Variants in CCDC171 observed in about 807,000 individuals in gnomAD.
CCDC171 encodes the protein coiled-coil domain containing 171.
Under a neutral mutation model 168.2 loss-of-function variants are expected in CCDC171, and 177 were observed. The ratio of observed to expected loss-of-function variants is 1.05; its 90% CI spans 0.93 to 1.19. The LOEUF (loss-of-function observed/expected upper bound fraction) is 1.19, where lower values mean the gene tolerates loss of function less well. Ranked by LOEUF, CCDC171 falls within the 50% of genes most tolerant of loss-of-function variation. The pLI, the probability that CCDC171 is intolerant of heterozygous loss-of-function variation, is 0.00. For synonymous variants in CCDC171, 687 were observed against 540.8 expected (o/e 1.27, Z -3.75); for missense variants, 1,991 against 1,539.0 (o/e 1.29, Z -4.91).
chr9:15,615,518 C>T (rs1393525187), intron 6 of CCDC171, among the ~76,000 whole-genome samples: 1 of 152,152 alleles, frequency 6.6e-6, no homozygotes, highest in African/African-American at 2.4e-5. Flanking sequence ...TCTTGAAATA[C>T]TCTTAAATAA....
intron 7 of CCDC171, among the ~76,000 whole-genome samples, chr9:15,655,574 G>T (rs2132907598): frequency 1.3e-5 from 2 of 152,288 alleles, no homozygotes; most frequent in South Asian, 4.1e-4. Flanking sequence ...TCATCATAAT[G>T]AAAAGTTTTG....
intron 21 of CCDC171, among the ~76,000 whole-genome samples, chr9:15,841,536 G>A (rs540818013): frequency 7.2e-5 from 11 of 151,990 alleles, no homozygotes; most frequent in Middle Eastern, 3.4e-3. Context: ...TTATAAATAT[G>A]TCACCTACTT....
intron 6 of CCDC171, among the ~76,000 whole-genome samples, chr9:15,610,319 G>T (rs1438084641): frequency 1.3e-5 from 2 of 150,518 alleles, no homozygotes; most frequent in African/African-American, 4.9e-5. Flanking sequence ...TAAACCTCCT[G>T]GGCTCGGCTG....
At chr9:16,067,484 A>G in the CCDC171 span, among the ~76,000 whole-genome samples, 4 of 151,936 alleles carry the variant, frequency 2.6e-5, no homozygotes, top group African/African-American at 9.7e-5. Context: ...CCATTTGTCA[A>G]TTTTGGCTTT....
At chr9:15,919,815 A>G (rs1220670142) in intron 24 of CCDC171, among the ~76,000 whole-genome samples, 4 of 151,642 alleles carry the variant, frequency 2.6e-5, no homozygotes, top group Non-Finnish European at 4.4e-5. Flanking sequence ...TCACAAGATT[A>G]TTTTAGCTCC....
chr9:15,746,779 G>A (rs1378790228), intron 18 of CCDC171, among the ~76,000 whole-genome samples: 1 of 152,182 alleles, frequency 6.6e-6, no homozygotes, highest in Non-Finnish European at 1.5e-5. Context: ...CGGAGGGTGA[G>A]CTGAAGCAGG....
At chr9:15,672,475 A>G (rs2049191803) in intron 9 of CCDC171, among the ~76,000 whole-genome samples, 1 of 152,068 alleles carries the variant, frequency 6.6e-6, no homozygotes, top group Non-Finnish European at 1.5e-5. Flanking sequence ...TAGGGTTTTT[A>G]TGGTTTTAGG....
chr9:15,999,814 A>G (rs548791786), intron 3 of CCDC171, among the ~76,000 whole-genome samples: 1 of 152,216 alleles, frequency 6.6e-6, no homozygotes, highest in African/African-American at 2.4e-5. Context: ...AGATTCCACA[A>G]CTTATCTGGA....
chr9:15,638,439 G>A (rs538399057), intron 7 of CCDC171, among the ~76,000 whole-genome samples: 27 of 152,122 alleles, frequency 1.8e-4, no homozygotes, highest in African/African-American at 5.5e-4. Context: ...GTAATTGTTA[G>A]TGGTATTTTT....
At chr9:16,021,694 G>T (rs1301760066) in intron 4 of CCDC171, among the ~76,000 whole-genome samples, 3 of 152,334 alleles carry the variant, frequency 2.0e-5, no homozygotes, top group Middle Eastern at 3.4e-3. Flanking sequence ...TTTGACCCCA[G>T]AGTGGGTATT....
chr9:15,652,746 C>G (rs2047626911), intron 7 of CCDC171, among the ~76,000 whole-genome samples: 1 of 152,140 alleles, frequency 6.6e-6, no homozygotes, highest in Admixed American at 6.5e-5. Flanking sequence ...CAGCTGATCA[C>G]TGTAGCTTTG....
At chr9:15,746,713 C>T (rs1359046314) in intron 18 of CCDC171, among the ~76,000 whole-genome samples, 1 of 152,146 alleles carries the variant, frequency 6.6e-6, no homozygotes, top group Non-Finnish European at 1.5e-5. Context: ...TCTACATTTC[C>T]AACTGAGGTA....
chr9:15,912,363 G>A (rs1330745037), intron 24 of CCDC171, among the ~76,000 whole-genome samples: 1 of 152,156 alleles, frequency 6.6e-6, no homozygotes. Flanking sequence ...TATTATTGGT[G>A]TATAGGAATT....
At chr9:15,663,699 A>G (rs1363852849) in intron 8 of CCDC171, among the ~76,000 whole-genome samples, 2 of 147,564 alleles carry the variant, frequency 1.4e-5, no homozygotes, top group African/African-American at 5.0e-5. Context: ...TCTGCCTCCC[A>G]GATTCATGCC....
At chr9:15,824,528 G>C (rs1314710476) in intron 21 of CCDC171, among the ~76,000 whole-genome samples, 18 of 151,938 alleles carry the variant, frequency 1.2e-4, no homozygotes. Context: ...CAAGTACTTT[G>C]ATTCACATGA....
intron 3 of CCDC171, among the ~76,000 whole-genome samples, chr9:15,993,305 G>T (rs1350767914): frequency 7.2e-5 from 11 of 152,062 alleles, no homozygotes; most frequent in East Asian, 3.8e-4. Context: ...TCTACAACCA[G>T]CTGATCTTTG....
intron 6 of CCDC171, among the ~76,000 whole-genome samples, chr9:15,604,789 G>C (rs1353114417): frequency 6.6e-6 from 1 of 152,152 alleles, no homozygotes; most frequent in Non-Finnish European, 1.5e-5. Context: ...CAACTCGGAG[G>C]AAGTTACGTG....
chr9:16,040,877 C>T (rs998051530), upstream of CCDC171, among the ~76,000 whole-genome samples: 11 of 151,678 alleles, frequency 7.3e-5, no homozygotes, highest in African/African-American at 2.4e-5. Context: ...CAAAGATACT[C>T]TCTCTTTTTT....
the CCDC171 span, among the ~76,000 whole-genome samples, chr9:16,108,925 A>G: frequency 6.6e-6 from 1 of 152,216 alleles, no homozygotes; most frequent in Non-Finnish European, 1.5e-5. Context: ...CAATGTAACA[A>G]TAAAAACATA....
Sources: gnomAD v4.1 joint callset for allele counts (sites outside exome capture counted in the v4.1 genomes callset) on GRCh38, gnomAD v4.1.1 for gene constraint, MANE v1.5 for transcripts, NCBI Gene and HGNC (gene_info 2026-07-23, HGNC 2026-07-21) for gene names.